The following DDHD1 variants were observed in gnomAD, a reference collection of about 807,000 sequenced individuals.
DDHD1 encodes phospholipase DDHD1.
In DDHD1, 49 loss-of-function variants were observed where a neutral mutation model predicts 96.4. That is an observed-to-expected ratio of 0.51 (90% CI 0.40 to 0.64). The LOEUF (loss-of-function observed/expected upper bound fraction) is 0.64, where lower values mean the gene tolerates loss of function less well. DDHD1 is among the 30% of genes least tolerant of loss of function. The pLI is 0.00. For missense variants in DDHD1, 1,106 were observed against 1,161.2 expected, an observed-to-expected ratio of 0.95 and a Z score of 0.69; for synonymous variants, 442 against 446.5, an observed-to-expected ratio of 0.99 and a Z score of 0.13.
chr14:53,114,315 T>C (rs1175208926), intron 1 of DDHD1, among the ~76,000 whole-genome samples: 1 of 152,214 alleles, frequency 6.6e-6, no homozygotes, highest in Non-Finnish European at 1.5e-5. Context: ...TAATCTTTCC[T>C]GCCTGCCGAC....
intron 4 of DDHD1, among the ~76,000 whole-genome samples, chr14:53,085,926 C>T (rs1209562777): frequency 6.6e-6 from 1 of 152,078 alleles, no homozygotes; most frequent in East Asian, 1.9e-4. Flanking sequence ...GAATGGCTAA[C>T]TAGAATAAAC....
Position 53,137,419 on chromosome 14 carries a change from C to CTGTT in DDHD1, c.838+14841_838+14842insAACA, listed in dbSNP as rs33953783. 4.7e-3 allele frequency among the ~76,000 whole-genome samples: 79 copies of CTGTT among 16,742 alleles called. 2 individuals carry two copies. In the South Asian group the frequency reaches 0.34, roughly 73 times the overall value. The allele number at this position is 16,742 out of a possible 152,430, so 11.0% of individuals were successfully genotyped here. A position where few individuals can be genotyped will look rare whatever the true frequency, so the allele number is the denominator to read the frequency against. On this transcript the variant is annotated intron_variant, in intron 1 of 12. Coordinates refer to ENST00000673822, the MANE Select transcript of DDHD1 (RefSeq NM_001160148.2). ...GCAGCCTGGCCAACATGGCAAAACC[C>CTGTT]TGTCTCTACTAAAAATACAAAAATT...
intron 2 of DDHD1, chr14:53,103,072 G>T: frequency 6.4e-7 from 1 of 1,560,804 alleles, no homozygotes; most frequent in Non-Finnish European, 8.7e-7. Flanking sequence ...TGGAACAATA[G>T]AAGTATTTTT....
At chr14:53,122,300 C>CT (rs1889054610) in intron 1 of DDHD1, among the ~76,000 whole-genome samples, 1 of 152,134 alleles carries the variant, frequency 6.6e-6, no homozygotes, top group Admixed American at 6.5e-5. Flanking sequence ...CCTTGGACTA[C>CT]TTTTTTAGCA....
chr14:53,081,388 T>C (rs1243129753), intron 4 of DDHD1, among the ~76,000 whole-genome samples: 1 of 152,246 alleles, frequency 6.6e-6, no homozygotes, highest in Non-Finnish European at 1.5e-5. Context: ...TGTGTAGTTC[T>C]TATGTAAATC....
intron 1 of DDHD1, among the ~76,000 whole-genome samples, chr14:53,105,846 T>C (rs1887648409): frequency 6.6e-6 from 1 of 152,164 alleles, no homozygotes; most frequent in African/African-American, 2.4e-5. Flanking sequence ...TTCATACGTA[T>C]TCTTTTTTTT....
At chr14:53,114,831 G>A (rs546660919) in intron 1 of DDHD1, among the ~76,000 whole-genome samples, 18 of 152,188 alleles carry the variant, frequency 1.2e-4, no homozygotes, top group Non-Finnish European at 2.2e-4. Context: ...CCAAATTATC[G>A]CAACTCCTCT....
chr14:53,092,060 A>G (rs1886474332), intron 3 of DDHD1, 128 bp from the exon 4 acceptor site: 1 of 839,028 alleles, frequency 1.2e-6, no homozygotes, highest in Non-Finnish European at 1.8e-6. Flanking sequence ...GGGGGAGGAA[A>G]TAAAAACTGT....
At chr14:53,107,636 C>A (rs779391524) in intron 1 of DDHD1, among the ~76,000 whole-genome samples, 2 of 152,110 alleles carry the variant, frequency 1.3e-5, no homozygotes, top group African/African-American at 4.8e-5. Flanking sequence ...ACTAAAAATA[C>A]AAAAATTAGC....
chr14:53,148,474 G>A (rs1891143999), intron 1 of DDHD1, among the ~76,000 whole-genome samples: 1 of 151,976 alleles, frequency 6.6e-6, no homozygotes, highest in South Asian at 2.1e-4. Flanking sequence ...CACCACGCCT[G>A]GCTAATTTTT....
At chr14:53,147,747 C>A (rs937196098) in intron 1 of DDHD1, among the ~76,000 whole-genome samples, 3 of 152,110 alleles carry the variant, frequency 2.0e-5, no homozygotes, top group Non-Finnish European at 4.4e-5. Flanking sequence ...CCAGTCCAGG[C>A]TAGTGGGAAA....
intron 4 of DDHD1, among the ~76,000 whole-genome samples, chr14:53,085,285 G>A (rs904002575): frequency 4.6e-5 from 7 of 152,156 alleles, no homozygotes; most frequent in Non-Finnish European, 7.3e-5. Flanking sequence ...CTCCCAGCAC[G>A]GGGTTTCAAC....
At position 53,140,656 on chromosome 14, in the gene DDHD1, G is replaced by A. The variant is rs543474539; in HGVS notation, c.838+11605C>T. 5.9e-5 allele frequency among the ~76,000 whole-genome samples: 9 copies of A among 152,268 alleles called. No individual in the cohort carries two copies. In the East Asian group the frequency reaches 7.7e-4, roughly 13 times the overall value. On this transcript the variant is annotated intron_variant, in intron 1 of 12. Coordinates refer to ENST00000673822, the MANE Select transcript of DDHD1 (RefSeq NM_001160148.2). ...TAAACAAAATCCAATCCCAAAGAAG[G>A]CAGGAAAAGAGAAGAAAGGGAATGA...
chr14:53,143,475 C>T (rs1416903340), intron 1 of DDHD1, among the ~76,000 whole-genome samples: 1 of 152,186 alleles, frequency 6.6e-6, no homozygotes, highest in Non-Finnish European at 1.5e-5. Flanking sequence ...TGAGAGTGCA[C>T]CAAACAAAGG....
intron 12 of DDHD1, among the ~76,000 whole-genome samples, chr14:53,051,558 A>G (rs574764246): frequency 1.0e-3 from 154 of 152,138 alleles, no homozygotes; most frequent in African/African-American, 3.6e-3. Flanking sequence ...TTAGGACAAT[A>G]AAGAAGGAAG....
At chr14:53,119,570 C>T (rs1171361399) in intron 1 of DDHD1, among the ~76,000 whole-genome samples, 1 of 152,152 alleles carries the variant, frequency 6.6e-6, no homozygotes, top group Non-Finnish European at 1.5e-5. Flanking sequence ...TACTGGCAAA[C>T]CGAATCCAGC....
chr14:53,045,650 G>T lies in DDHD1; in HGVS notation c.*1118C>A, dbSNP rs974402950. On this transcript the variant is annotated 3_prime_UTR_variant, in exon 13 of 13. Coordinates refer to ENST00000673822, the MANE Select transcript of DDHD1 (RefSeq NM_001160148.2). Reference sequence around the variant, plus strand: ...TACTTACCTCAAGAAGCTAGTACATGGGTTATTGAATGCACTCTTAAACTT... The same window carrying T: ...TACTTACCTCAAGAAGCTAGTACATTGGTTATTGAATGCACTCTTAAACTT... 1 of 152,152 alleles carries T rather than the reference G, an allele frequency of 6.6e-6. No individual in the cohort carries two copies. The highest frequency in any genetic ancestry group is 1.5e-5 in the Non-Finnish European group (1 of 68,028). 9.4% of individuals were successfully genotyped at this position (152,152 alleles called of 1,614,324 possible). A position where few individuals can be genotyped will look rare whatever the true frequency, so the allele number is the denominator to read the frequency against.
chr14:53,058,476 C>CGTGA lies in DDHD1; in HGVS notation c.1992_1992+1insTCAC (p.Ala665SerfsTer4). Reference sequence around the variant, plus strand: ...AAAAAAGAGTCTATATTGCAACTCACCACTGGATCTGTAGGATGAAAAATA... The same window carrying CGTGA: ...AAAAAAGAGTCTATATTGCAACTCACGTGACACTGGATCTGTAGGATGAAAAATA... On this transcript the variant is annotated frameshift_variant and splice_region_variant. Coordinates refer to ENST00000673822, the MANE Select transcript of DDHD1 (RefSeq NM_001160148.2). LOFTEE classifies it high-confidence loss of function. The CGTGA allele has an allele frequency of 1.2e-6, 2 of 1,607,750 alleles. No individual in the cohort carries two copies. Among genetic ancestry groups the CGTGA allele is most frequent in the Non-Finnish European group, 1.7e-6 (2 of 1,178,218 alleles).
intron 1 of DDHD1, among the ~76,000 whole-genome samples, chr14:53,134,466 G>A (rs1020119456): frequency 6.6e-6 from 1 of 151,008 alleles, no homozygotes; most frequent in Non-Finnish European, 1.5e-5. Flanking sequence ...ACCTCTCCCC[G>A]GCTATCTCCA....
Sources: gnomAD v4.1 joint callset for allele counts (sites outside exome capture counted in the v4.1 genomes callset) on GRCh38, gnomAD v4.1.1 for gene constraint, MANE v1.5 for transcripts, NCBI Gene and HGNC (gene_info 2026-07-23, HGNC 2026-07-21) for gene names.